The following ACAP2 variants were observed in gnomAD, a reference collection of about 807,000 sequenced individuals.
ACAP2 encodes ArfGAP with coiled-coil, ankyrin repeat and PH domains 2.
Under a neutral mutation model 115.8 loss-of-function variants are expected in ACAP2, and 39 were observed. The ratio of observed to expected loss-of-function variants is 0.34; its 90% confidence interval spans 0.26 to 0.44. The LOEUF is 0.44. Ranked by LOEUF, ACAP2 falls within the 20% of genes least tolerant of loss-of-function variation. The probability of loss-of-function intolerance (pLI) is 1.00; values close to 1 mark genes in which losing one functional copy is unlikely to be tolerated. For synonymous variants in ACAP2, 289 were observed against 315.8 expected, an observed-to-expected ratio of 0.92 and a Z score of 0.90; for missense variants, 662 against 927.6, an observed-to-expected ratio of 0.71 and a Z score of 3.72.
chr3:195,347,313 A>G (rs766565061), intron 4 of ACAP2, among the ~76,000 whole-genome samples: 1 of 152,136 alleles, frequency 6.6e-6, no homozygotes, highest in African/African-American at 2.4e-5. Context: ...ACCATATAGT[A>G]GGGCATCAAG....
At chr3:195,417,212 A>AT (rs1429249986) in intron 1 of ACAP2, among the ~76,000 whole-genome samples, 3 of 150,360 alleles carry the variant, frequency 2.0e-5, no homozygotes, top group Non-Finnish European at 4.4e-5. Flanking sequence ...CATTACAGGC[A>AT]TGAGCCACCA....
rs1727391618 is a variant in ACAP2, at chr3:195,293,301, A to G, written c.1766-849T>C. Reference sequence around the variant, plus strand: ...ATTGGCACTACAAGCACTTCAAATAATTTGAAGAGTGCTGACTCCCCTGAG... The same window carrying G: ...ATTGGCACTACAAGCACTTCAAATAGTTTGAAGAGTGCTGACTCCCCTGAG... On this transcript the variant is annotated intron_variant, in intron 18 of 22. Coordinates refer to ENST00000326793, the MANE Select transcript of ACAP2 (RefSeq NM_012287.6). 2.0e-5 allele frequency among the ~76,000 whole-genome samples: 3 copies of G among 152,312 alleles called. No homozygotes were observed. In the South Asian group the frequency reaches 6.2e-4, roughly 32 times the overall value.
intron 2 of ACAP2, among the ~76,000 whole-genome samples, chr3:195,383,328 T>C (rs1237053237): frequency 1.3e-5 from 2 of 151,858 alleles, no homozygotes; most frequent in Non-Finnish European, 2.9e-5. Flanking sequence ...TAAATGCAAA[T>C]AGACAAACTG....
intron 9 of ACAP2, 77 bp downstream of exon 9, chr3:195,326,808 C>T: frequency 6.2e-6 from 8 of 1,284,118 alleles, no homozygotes; most frequent in Non-Finnish European, 9.0e-6. Context: ...TGTTCCAATA[C>T]AATGATACCT....
At chr3:195,410,061 T>C (rs1474407561) in intron 1 of ACAP2, among the ~76,000 whole-genome samples, 1 of 152,082 alleles carries the variant, frequency 6.6e-6, no homozygotes, top group Non-Finnish European at 1.5e-5. Flanking sequence ...AGACGAATAC[T>C]GTCATAAAGA....
intron 15 of ACAP2, among the ~76,000 whole-genome samples, chr3:195,299,095 A>G (rs1727850729): frequency 6.6e-6 from 1 of 152,210 alleles, no homozygotes; most frequent in African/African-American, 2.4e-5. Context: ...GATACTAATT[A>G]TTATATATAA....
rs1726147186 is a variant in ACAP2, at chr3:195,275,162, C to CA, written c.*4165dup. 6.6e-6 allele frequency: 1 copy of CA among 152,328 alleles called. No homozygotes were observed. Among genetic ancestry groups the CA allele is most frequent in the African/African-American group, 2.4e-5 (1 of 41,358 alleles). The allele number at this position is 152,328 out of a possible 1,614,324, so 9.4% of individuals were successfully genotyped here. On this transcript the variant is annotated 3_prime_UTR_variant, in exon 23 of 23. Coordinates refer to ENST00000326793, the MANE Select transcript of ACAP2 (RefSeq NM_012287.6). The stretch of plus-strand genomic sequence containing the variant: ...TAGCAAGCTTTCCCTGTTTAATATC[C>CA]AAAAAATGGAGGGTGGGGAGGTTGA...
chr3:195,386,119 A>G (rs1189142914), intron 2 of ACAP2, among the ~76,000 whole-genome samples: 1 of 152,238 alleles, frequency 6.6e-6, no homozygotes, highest in African/African-American at 2.4e-5. Context: ...ACATGCTAAG[A>G]GAAAGGAGCT....
chr3:195,368,817 C>T (rs1470408029), intron 4 of ACAP2, among the ~76,000 whole-genome samples: 2 of 152,158 alleles, frequency 1.3e-5, no homozygotes, highest in East Asian at 3.9e-4. Flanking sequence ...AGCACAGTGG[C>T]TCACGCCTGT....
At chr3:195,337,065 A>C (rs554318441) in intron 6 of ACAP2, 89 bp from the exon 7 acceptor site, 1 of 1,217,002 alleles carries the variant, frequency 8.2e-7, no homozygotes, top group African/African-American at 1.6e-5. Context: ...TTAATGGTTT[A>C]ATACTTTTCG....
chr3:195,324,241 A>C (rs951064273), intron 9 of ACAP2, among the ~76,000 whole-genome samples: 3 of 152,180 alleles, frequency 2.0e-5, no homozygotes, highest in Admixed American at 6.5e-5. Context: ...AATAATTAAG[A>C]CAGCATAGTA....
intron 4 of ACAP2, among the ~76,000 whole-genome samples, chr3:195,378,427 G>T (rs909435364): frequency 6.6e-6 from 1 of 152,052 alleles, no homozygotes; most frequent in African/African-American, 2.4e-5. Context: ...AGGAGGCAGA[G>T]GTTGCAGTGA....
intron 10 of ACAP2, among the ~76,000 whole-genome samples, chr3:195,312,770 A>C (rs1047406332): frequency 4.6e-5 from 7 of 152,244 alleles, no homozygotes; most frequent in Non-Finnish European, 1.0e-4. Context: ...TGCAACTAAA[A>C]GGTATAATTC....
intron 2 of ACAP2, among the ~76,000 whole-genome samples, chr3:195,389,135 G>C (rs552757877): frequency 1.3e-5 from 2 of 151,954 alleles, no homozygotes; most frequent in Non-Finnish European, 2.9e-5. Context: ...TTTTTAAGCT[G>C]TCAGGTTTCC....
Position 195,416,429 on chromosome 3 carries a change from T to C in ACAP2, c.54-24282A>G, listed in dbSNP as rs150318002. ...AAATACCATTTCACATCCATCAGATTAGCAAAAGTTTTAAAATCTGGCCAT... is the reference window on the plus strand; with the variant it reads ...AAATACCATTTCACATCCATCAGATCAGCAAAAGTTTTAAAATCTGGCCAT... On this transcript the variant is annotated intron_variant, in intron 1 of 22. Coordinates refer to ENST00000326793, the MANE Select transcript of ACAP2 (RefSeq NM_012287.6). 4.0e-5 allele frequency among the ~76,000 whole-genome samples: 6 copies of C among 151,898 alleles called. 1 individual carries two copies. In the East Asian group the frequency reaches 1.2e-3, roughly 29 times the overall value.
chr3:195,415,960 G>C (rs889242667), intron 1 of ACAP2, among the ~76,000 whole-genome samples: 1 of 151,992 alleles, frequency 6.6e-6, no homozygotes, highest in African/African-American at 2.4e-5. Flanking sequence ...AAATCAAAAA[G>C]AAATGGACAA....
At chr3:195,357,715 G>C (rs1234327653) in intron 4 of ACAP2, 1 of 152,248 alleles carries the variant, frequency 6.6e-6, no homozygotes, top group Non-Finnish European at 1.5e-5. Flanking sequence ...AATTCTTCCA[G>C]ATGTTATCCA....
chr3:195,423,814 T>C lies in ACAP2; in HGVS notation c.53+18981A>G, dbSNP rs570604198. On this transcript the variant is annotated intron_variant, in intron 1 of 22. Coordinates refer to ENST00000326793, the MANE Select transcript of ACAP2 (RefSeq NM_012287.6). ...AATTTTATATAATTTTCATGTGTCATGAAATTTTTTTTAAAACTTTAAAAT... is the reference window on the plus strand; with the variant it reads ...AATTTTATATAATTTTCATGTGTCACGAAATTTTTTTTAAAACTTTAAAAT... Among the ~76,000 whole-genome samples the C allele has an allele frequency of 3.3e-5, 5 of 152,172 alleles. No homozygotes were observed. In the East Asian group the frequency reaches 9.6e-4, roughly 29 times the overall value.
chr3:195,347,171 T>C (rs890959963), intron 4 of ACAP2, among the ~76,000 whole-genome samples: 1 of 152,180 alleles, frequency 6.6e-6, no homozygotes, highest in African/African-American at 2.4e-5. Context: ...TATTAAACAA[T>C]AGATTTTTAA....
Sources: allele counts gnomAD v4.1 joint callset (sites outside exome capture counted in the v4.1 genomes callset), GRCh38; gene constraint gnomAD v4.1.1; transcripts MANE v1.5; gene names NCBI Gene and HGNC (gene_info 2026-07-23, HGNC 2026-07-21).